Variants in NUDT9 observed in about 807,000 individuals in gnomAD.
The protein encoded by NUDT9 is nudix hydrolase 9.
A neutral mutation model predicts 41.0 loss-of-function variants in NUDT9; 31 were observed. That is an observed-to-expected ratio of 0.76 (90% CI 0.57 to 1.02). The LOEUF (loss-of-function observed/expected upper bound fraction) is 1.02. Ranked by LOEUF, NUDT9 falls within the 50% of genes least tolerant of loss-of-function variation. The pLI is 0.00. For synonymous variants in NUDT9, 146 were observed against 147.6 expected, an observed-to-expected ratio of 0.99 and a Z score of 0.08; for missense variants, 380 against 431.4, an observed-to-expected ratio of 0.88 and a Z score of 1.06.
chr4:87,448,148 T>C (rs1578077495), intron 4 of NUDT9, among the ~76,000 whole-genome samples: 1 of 143,112 alleles, frequency 7.0e-6, no homozygotes, highest in Non-Finnish European at 1.5e-5. Flanking sequence ...ATTTTTTTTT[T>C]TTTTTTTTTT....
intron 5 of NUDT9, among the ~76,000 whole-genome samples, chr4:87,451,273 T>TG (rs1215248416): frequency 6.6e-6 from 1 of 152,064 alleles, no homozygotes; most frequent in Non-Finnish European, 1.5e-5. Context: ...GAATGAACAA[T>TG]GGGGGAAGAA....
Position 87,438,213 on chromosome 4 carries a change from A to T in NUDT9, c.348-64A>T, listed in dbSNP as rs183841221. 1.2e-3 allele frequency: 964 copies of T among 829,036 alleles called. 9 individuals carry two copies. The African/African-American group carries it at 0.014, about 12-fold the overall frequency. 51.4% of individuals were successfully genotyped at this position (829,036 alleles called of 1,614,324 possible). A position where few individuals can be genotyped will look rare whatever the true frequency, so the allele number is the denominator to read the frequency against. On this transcript the variant is annotated intron_variant, in intron 2 of 7. Transcript: ENST00000302174. Reference sequence around the variant, plus strand: ...TCTTATGGATAACAGATTGACTTTCATTATTAAGCTGTTGGTAGTTTTGAA... The same window carrying T: ...TCTTATGGATAACAGATTGACTTTCTTTATTAAGCTGTTGGTAGTTTTGAA...
chr4:87,431,449 A>G (rs1272237174), intron 1 of NUDT9, among the ~76,000 whole-genome samples: 2 of 152,228 alleles, frequency 1.3e-5, no homozygotes, highest in African/African-American at 2.4e-5. Context: ...CTTTCTGGAA[A>G]AACATCATTG....
chr4:87,433,778 T>G (rs147720380), intron 1 of NUDT9, among the ~76,000 whole-genome samples: 1 of 152,244 alleles, frequency 6.6e-6, no homozygotes, highest in African/African-American at 2.4e-5. Context: ...AGGGTGAAGG[T>G]TAGTTGGTTT....
intron 3 of NUDT9, among the ~76,000 whole-genome samples, chr4:87,441,184 G>A (rs535652608): frequency 5.9e-5 from 9 of 152,256 alleles, no homozygotes; most frequent in African/African-American, 2.2e-4. Flanking sequence ...AATGAAAGTT[G>A]AACATTTAAA....
chr4:87,449,351 A>C, intron 5 of NUDT9, 98 bp downstream of exon 5: 1 of 687,534 alleles, frequency 1.5e-6, no homozygotes, highest in Non-Finnish European at 2.6e-6. Context: ...ATTTTCCTCT[A>C]TTCCTTCCCA....
intron 4 of NUDT9, among the ~76,000 whole-genome samples, chr4:87,446,392 C>T (rs778799176): frequency 1.3e-5 from 2 of 151,940 alleles, no homozygotes; most frequent in Non-Finnish European, 2.9e-5. Context: ...CACACCACCC[C>T]GCCCAGCTAA....
intron 2 of NUDT9, 98 bp downstream of exon 2, chr4:87,435,318 A>T: frequency 7.5e-7 from 1 of 1,335,760 alleles, no homozygotes; most frequent in Non-Finnish European, 1.0e-6. Context: ...AATAATTTCA[A>T]TCTATGCTTA....
chr4:87,443,716 A>T (rs1722318847), intron 4 of NUDT9, among the ~76,000 whole-genome samples: 1 of 152,226 alleles, frequency 6.6e-6, no homozygotes, highest in South Asian at 2.1e-4. Flanking sequence ...TTGGGTAGGG[A>T]GACAGCAGGA....
chr4:87,446,253 T>TTTC (rs1460864977), intron 4 of NUDT9, among the ~76,000 whole-genome samples: 3 of 149,516 alleles, frequency 2.0e-5, no homozygotes, highest in African/African-American at 7.4e-5. Flanking sequence ...TTTCCTTTTT[T>TTTC]TTTTTTTTTT....
At chr4:87,424,668 C>G (rs1244803594) in intron 1 of NUDT9, among the ~76,000 whole-genome samples, 2 of 152,188 alleles carry the variant, frequency 1.3e-5, no homozygotes, top group African/African-American at 2.4e-5. Context: ...TCACTGGTGG[C>G]ATTTATTCCT....
intron 1 of NUDT9, among the ~76,000 whole-genome samples, chr4:87,425,505 C>G (rs905719644): frequency 9.4e-5 from 14 of 149,348 alleles, no homozygotes; most frequent in African/African-American, 3.2e-4. Context: ...AGTGATTCTC[C>G]TGCCCCAGCC....
chr4:87,424,253 C>CTTT (rs1560784799), intron 1 of NUDT9, among the ~76,000 whole-genome samples: 6 of 103,906 alleles, frequency 5.8e-5, no homozygotes, highest in African/African-American at 1.9e-4. Context: ...CTCCCTAATG[C>CTTT]GTTTTTTTTT....
chr4:87,455,582 T>C (rs2110193810), intron 7 of NUDT9, among the ~76,000 whole-genome samples: 1 of 152,172 alleles, frequency 6.6e-6, no homozygotes, highest in East Asian at 1.9e-4. Context: ...TTGAGTTCGG[T>C]TTTAATATTT....
intron 6 of NUDT9, among the ~76,000 whole-genome samples, chr4:87,452,936 A>G (rs1722822543): frequency 6.9e-6 from 1 of 145,678 alleles, no homozygotes; most frequent in South Asian, 2.2e-4. Context: ...CTCAGCCTCC[A>G]GAGTAGCTGG....
chr4:87,431,339 TAGTA>T (rs1170258684), intron 1 of NUDT9, among the ~76,000 whole-genome samples: 1 of 152,214 alleles, frequency 6.6e-6, no homozygotes, highest in Non-Finnish European at 1.5e-5. Flanking sequence ...TATAGCTGTG[TAGTA>T]AGTGTGAGAC....
intron 7 of NUDT9, among the ~76,000 whole-genome samples, chr4:87,454,980 T>C (rs1355321808): frequency 6.6e-6 from 1 of 152,230 alleles, no homozygotes; most frequent in East Asian, 1.9e-4. Context: ...AAACCTGTTA[T>C]TACAGAAGGA....
At chr4:87,439,302 A>G (rs769070158) in intron 3 of NUDT9, among the ~76,000 whole-genome samples, 2 of 152,144 alleles carry the variant, frequency 1.3e-5, no homozygotes, top group African/African-American at 4.8e-5. Context: ...GCAAAGGTAC[A>G]TCTTACATGG....
In NUDT9 at chr4:87,451,679, G is replaced by C; in HGVS notation, c.733G>C (p.Glu245Gln). The C allele has an allele frequency of 6.2e-7, 1 of 1,613,948 alleles. No individual in the cohort carries two copies. The highest frequency in any genetic ancestry group is 8.5e-7 in the Non-Finnish European group (1 of 1,179,944). ...ALNSLQKTSA[E>Q]KREIEEKLHK... ...CAACTCCTTACAGAAAACCAGTGCTGAGAAGAGAGAAATAGAGGAAAAGTT... is the reference window on the plus strand; with the variant it reads ...CAACTCCTTACAGAAAACCAGTGCTCAGAAGAGAGAAATAGAGGAAAAGTT... The change falls in exon 6 of 8, where the codon GAG (glutamate) becomes CAG (glutamine). Residue 245 changes from glutamate to glutamine, a missense_variant. Coordinates refer to ENST00000302174, the MANE Select transcript of NUDT9 (RefSeq NM_024047.5).
Sources: allele counts gnomAD v4.1 joint callset (sites outside exome capture counted in the v4.1 genomes callset), GRCh38; gene constraint gnomAD v4.1.1; transcripts MANE v1.5; gene names NCBI Gene and HGNC (gene_info 2026-07-23, HGNC 2026-07-21).